ANGPT1: variants seen among roughly 807,000 people sequenced by gnomAD.
ANGPT1 encodes the protein angiopoietin 1, also known as angiopoietin-1.
Under a neutral mutation model 62.2 loss-of-function variants are expected in ANGPT1, and 17 were observed. The observed-to-expected ratio is 0.27, with a 90% confidence interval of 0.19 to 0.41. The LOEUF is 0.41. Ranked by LOEUF, ANGPT1 falls within the 10% of genes least tolerant of loss-of-function variation. The pLI is 1.00. For synonymous variants in ANGPT1, 199 were observed against 198.9 expected, an observed-to-expected ratio of 1.00 and a Z score of 0.00; for missense variants, 478 against 594.9, an observed-to-expected ratio of 0.80 and a Z score of 2.04.
rs753412026 is a variant in ANGPT1 at position 107,282,553 on chromosome 8, CATATATATATATAT to C, written c.1205+2115_1205+2128del. Among the ~76,000 whole-genome samples the C allele has an allele frequency of 5.9e-3, 302 of 51,078 alleles. 4 individuals carry two copies. The highest frequency in any genetic ancestry group is 0.019 in the South Asian group (22 of 1,148). The allele number at this position is 51,078 out of a possible 152,430, so 33.5% of individuals were successfully genotyped here. A position where few individuals can be genotyped will look rare whatever the true frequency, so the allele number is the denominator to read the frequency against. The stretch of plus-strand genomic sequence containing the variant: ...TTATATATATATTACATATATGAAC[CATATATATATATAT>C]ATATATATATATATATATATATATA... On this transcript the variant is annotated intron_variant, in intron 7 of 8. Coordinates refer to ENST00000517746, the MANE Select transcript of ANGPT1 (RefSeq NM_001146.5).
intron 1 of ANGPT1, among the ~76,000 whole-genome samples, chr8:107,396,199 A>C (rs1431347032): frequency 1.3e-5 from 2 of 152,194 alleles, no homozygotes; most frequent in Non-Finnish European, 2.9e-5. Flanking sequence ...AGAAAATTAG[A>C]GATTGACTAA....
Position 107,368,105 on chromosome 8 carries a change from T to C in ANGPT1, c.298-21008A>G, listed in dbSNP as rs114097569. ...TCATTGTCTATGGCAGCTTTAGCCT[T>C]CTAAAATGTATTTCTTTAATAAGAC... On this transcript the variant is annotated intron_variant, in intron 1 of 8. Coordinates refer to ENST00000517746, the MANE Select transcript of ANGPT1 (RefSeq NM_001146.5). 3.6e-3 allele frequency among the ~76,000 whole-genome samples: 555 copies of C among 152,338 alleles called. 5 individuals carry two copies. The highest frequency in any genetic ancestry group is 0.013 in the African/African-American group (534 of 41,584).
chr8:107,414,075 G>A (rs1233831307), intron 1 of ANGPT1, among the ~76,000 whole-genome samples: 1 of 152,144 alleles, frequency 6.6e-6, no homozygotes, highest in East Asian at 1.9e-4. Flanking sequence ...GAGGGCCCTT[G>A]ATCCATGGGT....
chr8:107,353,748 G>A (rs563569982), intron 1 of ANGPT1, among the ~76,000 whole-genome samples: 1 of 152,172 alleles, frequency 6.6e-6, no homozygotes, highest in Non-Finnish European at 1.5e-5. Flanking sequence ...TGTGTACTAA[G>A]CCTGGTGCCA....
At chr8:107,409,825 T>C (rs534484554) in intron 1 of ANGPT1, among the ~76,000 whole-genome samples, 2 of 152,302 alleles carry the variant, frequency 1.3e-5, no homozygotes, top group South Asian at 4.1e-4. Flanking sequence ...TTACCTTCTT[T>C]TCTGTTTAAC....
chr8:107,485,436 C>A (rs1812790759), intron 1 of ANGPT1, among the ~76,000 whole-genome samples: 1 of 152,118 alleles, frequency 6.6e-6, no homozygotes, highest in South Asian at 2.1e-4. Flanking sequence ...CTTAGAGCCT[C>A]CCTGTCTCAT....
chr8:107,273,541 C>T (rs549896634), intron 7 of ANGPT1, among the ~76,000 whole-genome samples: 171 of 152,062 alleles, frequency 1.1e-3, no homozygotes, highest in Non-Finnish European at 2.1e-3. Context: ...ACAAGATGTC[C>T]TCTAAATACT....
chr8:107,300,957 G>C (rs1814573228), intron 5 of ANGPT1, among the ~76,000 whole-genome samples: 1 of 151,870 alleles, frequency 6.6e-6, no homozygotes, highest in Non-Finnish European at 1.5e-5. Flanking sequence ...TCAGGATTAT[G>C]AATTGAGGTG....
chr8:107,275,368 C>T (rs1813839921), intron 7 of ANGPT1, among the ~76,000 whole-genome samples: 1 of 152,096 alleles, frequency 6.6e-6, no homozygotes, highest in Non-Finnish European at 1.5e-5. Context: ...CCTAGCAAGA[C>T]GTGCTGAGTC....
chr8:107,343,499 G>A (rs1040039681), intron 2 of ANGPT1, among the ~76,000 whole-genome samples: 1 of 152,194 alleles, frequency 6.6e-6, no homozygotes, highest in Non-Finnish European at 1.5e-5. Flanking sequence ...GGAAGTGACT[G>A]CTGGAAATTG....
intron 3 of ANGPT1, among the ~76,000 whole-genome samples, chr8:107,329,144 A>C (rs192655287): frequency 1.3e-5 from 2 of 152,170 alleles, no homozygotes; most frequent in East Asian, 1.9e-4. Context: ...ATTATATATG[A>C]GTGTACATCT....
chr8:107,279,780 GA>G (rs1289472352), intron 7 of ANGPT1, among the ~76,000 whole-genome samples: 1 of 147,410 alleles, frequency 6.8e-6, no homozygotes, highest in Admixed American at 6.8e-5. Context: ...AAGGGGGGGG[GA>G]GAGAGAGAGC....
chr8:107,347,552 C>G (rs2130161682), intron 1 of ANGPT1, among the ~76,000 whole-genome samples: 1 of 152,314 alleles, frequency 6.6e-6, no homozygotes, highest in East Asian at 1.9e-4. Context: ...TTACACCATA[C>G]TGACCACTTA....
intron 7 of ANGPT1, among the ~76,000 whole-genome samples, chr8:107,266,859 T>C (rs1452238264): frequency 2.6e-5 from 4 of 152,132 alleles, no homozygotes; most frequent in Admixed American, 6.6e-5. Context: ...ATTTACAATC[T>C]AAGTCTCATA....
At chr8:107,431,371 G>GAGGAGT (rs925060334) in intron 1 of ANGPT1, among the ~76,000 whole-genome samples, 7 of 151,614 alleles carry the variant, frequency 4.6e-5, no homozygotes, top group African/African-American at 1.7e-4. Context: ...AGCAGAGGAG[G>GAGGAGT]AATTTTCTAA....
chr8:107,373,492 T>C (rs528879092), intron 1 of ANGPT1, among the ~76,000 whole-genome samples: 12 of 152,320 alleles, frequency 7.9e-5, no homozygotes, highest in African/African-American at 2.9e-4. Context: ...TGAGTATATC[T>C]GTCATGTTGG....
intron 6 of ANGPT1, among the ~76,000 whole-genome samples, chr8:107,287,978 T>G (rs1814183070): frequency 6.6e-6 from 1 of 152,168 alleles, no homozygotes; most frequent in African/African-American, 2.4e-5. Flanking sequence ...ACAGTAATTT[T>G]CTGGTTAGTT....
At chr8:107,328,533 T>C (rs1815342912) in intron 3 of ANGPT1, among the ~76,000 whole-genome samples, 2 of 151,752 alleles carry the variant, frequency 1.3e-5, no homozygotes, top group Non-Finnish European at 2.9e-5. Flanking sequence ...AGTTGGACAA[T>C]AAATAATAAA....
chr8:107,352,058 T>C (rs1242513713), intron 1 of ANGPT1, among the ~76,000 whole-genome samples: 4 of 152,162 alleles, frequency 2.6e-5, no homozygotes, highest in African/African-American at 9.7e-5. Flanking sequence ...GTATGTTGCT[T>C]TGAGGCTAGA....
Sources: gnomAD v4.1 joint callset for allele counts (sites outside exome capture counted in the v4.1 genomes callset) on GRCh38, gnomAD v4.1.1 for gene constraint, MANE v1.5 for transcripts, NCBI Gene and HGNC (gene_info 2026-07-23, HGNC 2026-07-21) for gene names.